Variants in DST observed in about 807,000 individuals in gnomAD.
DST encodes bullous pemphigoid antigen.
Under a neutral mutation model 875.2 loss-of-function variants are expected in DST, and 253 were observed. The ratio of observed to expected loss-of-function variants is 0.29; its 90% CI spans 0.26 to 0.32. The LOEUF is 0.32. DST is among the 10% of genes least tolerant of loss of function. DST has a pLI of 1.00. For missense variants in DST, 8,287 were observed against 9,111.6 expected, an observed-to-expected ratio of 0.91 and a Z score of 3.68; for synonymous variants, 3,124 against 3,197.1, an observed-to-expected ratio of 0.98 and a Z score of 0.77.
intron 55 of DST, among the ~76,000 whole-genome samples, chr6:56,566,413 A>T (rs2097678980): frequency 6.6e-6 from 1 of 152,154 alleles, no homozygotes; most frequent in African/African-American, 2.4e-5. Context: ...ACCATTCCTC[A>T]TGGCACAGTC....
At chr6:56,921,705 G>T (rs34259328) in intron 2 of DST, among the ~76,000 whole-genome samples, 1 of 151,914 alleles carries the variant, frequency 6.6e-6, no homozygotes, top group Non-Finnish European at 1.5e-5. Context: ...TAATTGATAC[G>T]TAAATACATA....
At chr6:56,692,677 T>G in intron 9 of DST, 1 of 1,289,812 alleles carries the variant, frequency 7.8e-7, no homozygotes, top group Non-Finnish European at 1.0e-6. Context: ...ATCTAAATGT[T>G]TCTTCCTCTT....
intron 4 of DST, among the ~76,000 whole-genome samples, chr6:56,827,185 T>C (rs2099781548): frequency 6.6e-6 from 1 of 152,162 alleles, no homozygotes; most frequent in Non-Finnish European, 1.5e-5. Context: ...GGTTAGGTCA[T>C]CCAGGCTAAT....
chr6:56,860,529 TATGACTC>T (rs1399481414), intron 3 of DST, among the ~76,000 whole-genome samples: 4 of 152,188 alleles, frequency 2.6e-5, no homozygotes, highest in African/African-American at 9.7e-5. Flanking sequence ...AAGAAAGCTG[TATGACTC>T]ATGTAAATGC....
intron 15 of DST, 172 bp from the exon 16 acceptor site, chr6:56,642,675 T>A: frequency 6.2e-7 from 1 of 1,614,162 alleles, no homozygotes; most frequent in Non-Finnish European, 8.5e-7. Flanking sequence ...TGATCAGTGT[T>A]GGACCACAAT....
At chr6:56,601,341 C>T (rs2098444277) in intron 44 of DST, 102 bp downstream of exon 44, 2 of 706,826 alleles carry the variant, frequency 2.8e-6, no homozygotes, top group Non-Finnish European at 2.4e-6. Context: ...TCCATTAATG[C>T]CTTTCCAGAA....
chr6:56,581,039 A>G (rs1453055100), intron 49 of DST, among the ~76,000 whole-genome samples: 2 of 128,498 alleles, frequency 1.6e-5, no homozygotes, highest in Non-Finnish European at 1.6e-5. Context: ...CCAGCCAATT[A>G]GTGGCATTTA....
intron 90 of DST, 124 bp from the exon 91 acceptor site, chr6:56,477,612 G>T: frequency 8.1e-7 from 1 of 1,229,132 alleles, no homozygotes; most frequent in Non-Finnish European, 1.2e-6. Context: ...TATTCACAGT[G>T]AAAATCATCT....
chr6:56,494,037 C>T lies in DST; in HGVS notation c.20367G>A (p.Ser6789=), dbSNP rs527722818. 1.5e-5 allele frequency: 24 copies of T among 1,598,760 alleles called. No homozygotes were observed. The Middle Eastern group carries it at 5.0e-4, about 33-fold the overall frequency. Reference sequence around the variant, plus strand: ...TCCTTTCATTGAGTTTGGTTTCCACCGATTCCCATTTTTCTTTCAAGTTAT... The same window carrying T: ...TCCTTTCATTGAGTTTGGTTTCCACTGATTCCCATTTTTCTTTCAAGTTAT... ...DINNLKEKWE[S]VETKLNERKT... Residue 6789 remains serine (S), a synonymous_variant, in exon 83 of 104, where the codon TCG becomes TCA. Transcript: ENST00000680361.
intron 4 of DST, among the ~76,000 whole-genome samples, chr6:56,740,486 G>A (rs2099543026): frequency 6.6e-6 from 1 of 152,220 alleles, no homozygotes. Flanking sequence ...AGGAAGTAGG[G>A]TAGCAAAACA....
intron 72 of DST, among the ~76,000 whole-genome samples, chr6:56,514,624 C>A (rs9367688): frequency 0.67 from 100,947 of 150,222 alleles, 34,243 homozygotes; most frequent in Non-Finnish European, 0.7. Context: ...CCCTCATGCG[C>A]ATACACACAC....
At chr6:56,940,891 T>C (rs989661927) in intron 2 of DST, among the ~76,000 whole-genome samples, 1 of 152,112 alleles carries the variant, frequency 6.6e-6, no homozygotes, top group African/African-American at 2.4e-5. Flanking sequence ...CAACCAGTTT[T>C]CTTACCCTTC....
intron 4 of DST, among the ~76,000 whole-genome samples, chr6:56,840,867 A>G (rs1328836756): frequency 6.6e-6 from 1 of 152,016 alleles, no homozygotes; most frequent in African/African-American, 2.4e-5. Flanking sequence ...GTTCCAGCTG[A>G]CTCCACCACT....
chr6:56,949,409 C>T (rs1043910400), intron 2 of DST, among the ~76,000 whole-genome samples: 6 of 152,238 alleles, frequency 3.9e-5, no homozygotes, highest in Admixed American at 3.9e-4. Context: ...CAGCAGCCTC[C>T]GATGCTCTCA....
At chr6:56,903,461 T>C (rs1258447430) in intron 2 of DST, among the ~76,000 whole-genome samples, 1 of 152,186 alleles carries the variant, frequency 6.6e-6, no homozygotes, top group African/African-American at 2.4e-5. Flanking sequence ...TTATTTATGA[T>C]ATAAAAAAAT....
Position 56,557,482 on chromosome 6 carries a change from T to A in DST, c.14477A>T (p.Asp4826Val). 6.2e-7 allele frequency: 1 copy of A among 1,613,472 alleles called. No homozygotes were observed. The highest frequency in any genetic ancestry group is 8.5e-7 in the Non-Finnish European group (1 of 1,179,570). ...KWQELNQLTI[D>V]RQQKLEESSN... Reference sequence around the variant, plus strand: ...GGATTCTTCCAGTTTTTGTTGTCTATCAATTGTTAATTGATTGAGTTCTTG... The same window carrying A: ...GGATTCTTCCAGTTTTTGTTGTCTAACAATTGTTAATTGATTGAGTTCTTG... Residue 4826 changes from aspartate to valine, a missense_variant, in exon 59 of 104, where the codon GAT becomes GTT. Around this residue, in one of 10 missense-constraint regions of DST, gnomAD observed 1,513 missense variants for 1,677.8 expected, o/e 0.90. Coordinates refer to ENST00000680361, the MANE Select transcript of DST (RefSeq NM_001374736.1).
At chr6:56,868,265 G>T (rs564729611) in intron 3 of DST, among the ~76,000 whole-genome samples, 1 of 152,248 alleles carries the variant, frequency 6.6e-6, no homozygotes, top group South Asian at 2.1e-4. Flanking sequence ...TTCCAATCGT[G>T]GTTCTGATAG....
intron 55 of DST, among the ~76,000 whole-genome samples, chr6:56,564,060 CTCT>C (rs542430763): frequency 9.5e-4 from 144 of 152,272 alleles, no homozygotes; most frequent in Middle Eastern, 3.4e-3. Flanking sequence ...GCTATACGGG[CTCT>C]TTTTTGGTTC....
rs141652712 is a variant in DST, at chr6:56,570,732, G to A, written c.13722-720C>T. On this transcript the variant is annotated intron_variant, in intron 53 of 103. Coordinates refer to ENST00000680361, the MANE Select transcript of DST (RefSeq NM_001374736.1). Reference sequence around the variant, plus strand: ...TTTTCAGGCAAGGTTCATTGATAAAGATAGGAGTATTCAAGAAATCTGTAG... The same window carrying A: ...TTTTCAGGCAAGGTTCATTGATAAAAATAGGAGTATTCAAGAAATCTGTAG... Among the ~76,000 whole-genome samples, 27 of 152,282 alleles carry A rather than the reference G, an allele frequency of 1.8e-4. No homozygotes were observed. The East Asian group carries it at 5.0e-3, about 28-fold the overall frequency.
Sources: allele counts gnomAD v4.1 joint callset (sites outside exome capture counted in the v4.1 genomes callset), GRCh38; gene constraint gnomAD v4.1.1; regional missense constraint gnomAD v4.1.1; transcripts MANE v1.5; gene names NCBI Gene and HGNC (gene_info 2026-07-23, HGNC 2026-07-21).